The following TSHZ2 variants were observed in gnomAD, a reference collection of about 807,000 sequenced individuals.
TSHZ2 encodes teashirt zinc finger homeobox 2, also known as teashirt homolog 2.
A neutral mutation model predicts 74.4 loss-of-function variants in TSHZ2; 21 were observed. The ratio of observed to expected loss-of-function variants is 0.28; its 90% CI spans 0.20 to 0.41. TSHZ2 has a LOEUF of 0.41. Among genes scored for constraint, TSHZ2 ranks in the 10% least tolerant of loss-of-function variants. The pLI is 1.00. For missense variants in TSHZ2, 1,244 were observed against 1,293.5 expected (o/e 0.96, Z 0.59); for synonymous variants, 540 against 515.3 (o/e 1.05, Z -0.65).
chr20:53,468,197 T>TCAAAG (rs1985618530), intron 2 of TSHZ2, among the ~76,000 whole-genome samples: 1 of 152,156 alleles, frequency 6.6e-6, no homozygotes, highest in African/African-American at 2.4e-5. Context: ...ATCATTTTTA[T>TCAAAG]TTAGATTGAC....
intron 2 of TSHZ2, among the ~76,000 whole-genome samples, chr20:53,367,896 C>T (rs1280296116): frequency 2.6e-5 from 4 of 151,978 alleles, no homozygotes; most frequent in Non-Finnish European, 5.9e-5. Flanking sequence ...TAAATAAGCC[C>T]GTAACTAGTA....
Position 53,256,319 on chromosome 20 carries a change from A to G in TSHZ2, c.2861A>G (p.Lys954Arg), listed in dbSNP as rs748132860. 3.3e-5 allele frequency: 54 copies of G among 1,613,928 alleles called. 1 individual carries two copies. The Admixed American group carries it at 9.0e-4, about 27-fold the overall frequency. Residue 954 changes from lysine to arginine, a missense_variant, in exon 2 of 3, where the codon AAG (lysine) becomes AGG (arginine). By Grantham distance (26) the Lys-to-Arg change is conservative. Transcript: ENST00000371497. The surrounding 1 kb of genome is among the most constrained non-coding windows in gnomAD (Gnocchi z 4.3). Reference protein sequence around the residue: ...HLESHLGFQMKDMTRLSVDQQ... With the variant: ...HLESHLGFQMRDMTRLSVDQQ... ...GAATCTCACCTGGGTTTCCAAATGA[A>G]GGACATGACCCGCTTGTCAGTGGAC... is the stretch of plus-strand genomic sequence containing the variant.
chr20:53,186,099 T>TTTGATTCA (rs1988591836), intron 1 of TSHZ2, among the ~76,000 whole-genome samples: 1 of 152,216 alleles, frequency 6.6e-6, no homozygotes, highest in Admixed American at 6.5e-5. Context: ...CACGCTCTTA[T>TTTGATTCA]TAACTTGATT....
At chr20:53,379,253 G>C (rs574798882) in intron 2 of TSHZ2, among the ~76,000 whole-genome samples, 2 of 152,116 alleles carry the variant, frequency 1.3e-5, no homozygotes, top group African/African-American at 2.4e-5. Context: ...GTGGTGTCAC[G>C]CGCCTGTAGT....
chr20:53,327,256 A>G (rs894425698), intron 2 of TSHZ2, among the ~76,000 whole-genome samples: 1 of 152,202 alleles, frequency 6.6e-6, no homozygotes, highest in Admixed American at 6.5e-5. Context: ...CGTCATCTGG[A>G]CACTAGCTGT....
chr20:53,010,141 G>A (rs1043724942), intron 1 of TSHZ2, among the ~76,000 whole-genome samples: 1 of 152,016 alleles, frequency 6.6e-6, no homozygotes, highest in African/African-American at 2.4e-5. Context: ...AGTCATTCAG[G>A]ACCCATTGCC....
intron 2 of TSHZ2, among the ~76,000 whole-genome samples, chr20:53,475,148 C>A (rs1985953803): frequency 7.1e-6 from 1 of 140,560 alleles, no homozygotes; most frequent in Non-Finnish European, 1.5e-5. Context: ...CAGCTCTGCA[C>A]CAAGTGGACC....
intron 1 of TSHZ2, among the ~76,000 whole-genome samples, chr20:53,023,072 G>A (rs1415050680): frequency 5.3e-5 from 8 of 152,184 alleles, no homozygotes; most frequent in African/African-American, 1.9e-4. Context: ...CTTATCACCT[G>A]GGAATGTTTT....
intron 2 of TSHZ2, among the ~76,000 whole-genome samples, chr20:53,275,505 G>A (rs902819243): frequency 1.3e-5 from 2 of 152,094 alleles, no homozygotes; most frequent in African/African-American, 4.8e-5. Context: ...TTAGAGGGGT[G>A]GAGGTGATTT....
intron 1 of TSHZ2, among the ~76,000 whole-genome samples, chr20:53,082,945 A>T (rs1296339439): frequency 6.6e-6 from 1 of 152,252 alleles, no homozygotes; most frequent in Non-Finnish European, 1.5e-5. Flanking sequence ...TCCTGGTTAG[A>T]TGGAGGCAAG....
chr20:53,455,397 G>GA (rs1317492201), intron 2 of TSHZ2: 3 of 152,074 alleles, frequency 2.0e-5, no homozygotes, highest in African/African-American at 7.2e-5. Flanking sequence ...TAATGGGCCT[G>GA]AAGCAAATGT....
At chr20:53,392,409 A>G (rs1428618579) in intron 2 of TSHZ2, among the ~76,000 whole-genome samples, 2 of 152,306 alleles carry the variant, frequency 1.3e-5, no homozygotes, top group East Asian at 3.9e-4. Flanking sequence ...GTGCCACTGC[A>G]CTCCAGCCTG....
intron 2 of TSHZ2, among the ~76,000 whole-genome samples, chr20:53,274,679 T>G (rs1317693753): frequency 2.0e-5 from 3 of 152,230 alleles, no homozygotes; most frequent in East Asian, 3.8e-4. Context: ...GAACAAGGAC[T>G]TGGTCACAAG....
At chr20:53,442,283 A>G (rs995588891) in intron 2 of TSHZ2, among the ~76,000 whole-genome samples, 9 of 152,192 alleles carry the variant, frequency 5.9e-5, no homozygotes, top group African/African-American at 2.2e-4. Context: ...TTCCAGGAAG[A>G]AAAGGAAAAG....
chr20:53,450,927 C>G (rs1984754423), intron 2 of TSHZ2, among the ~76,000 whole-genome samples: 1 of 151,950 alleles, frequency 6.6e-6, no homozygotes, highest in South Asian at 2.1e-4. Context: ...TTACAGTGTC[C>G]ACTTTTCTCT....
intron 1 of TSHZ2, among the ~76,000 whole-genome samples, chr20:53,070,640 ATG>A (rs1324845671): frequency 6.6e-6 from 1 of 152,124 alleles, no homozygotes; most frequent in South Asian, 2.1e-4. Flanking sequence ...ACATACAGTG[ATG>A]TGTGTGTGTA....
chr20:52,991,866 T>C (rs1240333296), intron 1 of TSHZ2, among the ~76,000 whole-genome samples: 1 of 152,172 alleles, frequency 6.6e-6, no homozygotes, highest in Non-Finnish European at 1.5e-5. Context: ...ACCTGGCATG[T>C]TCATGTGTTC....
In TSHZ2 at chr20:53,169,578, T is replaced by C. The variant is rs149712404; in HGVS notation, c.41-83921T>C. ...CAAGGCTAGCATGGTTCCTGGCATA[T>C]AGTAAGCCCCTCAAAAAAATCTGTT... On this transcript the variant is annotated intron_variant, in intron 1 of 2. Coordinates refer to ENST00000371497, the MANE Select transcript of TSHZ2 (RefSeq NM_173485.6). Among the ~76,000 whole-genome samples the C allele has an allele frequency of 5.3e-5, 8 of 152,340 alleles. No homozygotes were observed. In the East Asian group the frequency reaches 1.2e-3, roughly 22 times the overall value.
intron 1 of TSHZ2, among the ~76,000 whole-genome samples, chr20:53,036,459 T>C (rs915217822): frequency 6.6e-6 from 1 of 151,534 alleles, no homozygotes; most frequent in South Asian, 2.1e-4. Context: ...TATACACATA[T>C]GTATTAGAAA....
Sources: gnomAD v4.1 joint callset for allele counts (sites outside exome capture counted in the v4.1 genomes callset) on GRCh38, gnomAD v4.1.1 for gene constraint, Gnocchi (gnomAD v3.1) non-coding constraint, MANE v1.5 for transcripts, NCBI Gene and HGNC (gene_info 2026-07-23, HGNC 2026-07-21) for gene names.